Variants in MLPH observed in about 807,000 individuals in gnomAD.
MLPH encodes the protein exophilin-3.
Under a neutral mutation model 72.1 loss-of-function variants are expected in MLPH, and 51 were observed. The ratio of observed to expected loss-of-function variants is 0.71; its 90% confidence interval spans 0.56 to 0.89. MLPH has a LOEUF of 0.89. Among genes scored for constraint, MLPH ranks in the 40% least tolerant of loss-of-function variants. The pLI is 0.00. For missense variants in MLPH, 743 were observed against 759.9 expected, an observed-to-expected ratio of 0.98 and a Z score of 0.26; for synonymous variants, 301 against 310.1, an observed-to-expected ratio of 0.97 and a Z score of 0.31.
chr2:237,537,502 G>T (rs150936231), intron 9 of MLPH: 1 of 152,210 alleles, frequency 6.6e-6, no homozygotes, highest in Admixed American at 6.5e-5. Flanking sequence ...TTTACAGGCT[G>T]AACGTCATTC....
intron 1 of MLPH, among the ~76,000 whole-genome samples, chr2:237,490,155 C>A (rs550871603): frequency 1.6e-4 from 24 of 152,286 alleles, no homozygotes; most frequent in African/African-American, 5.5e-4. Context: ...CCAGCACATA[C>A]TCTGGGAGCC....
chr2:237,510,771 T>C lies in MLPH; in HGVS notation c.308T>C (p.Ile103Thr). The C allele has an allele frequency of 6.2e-7, 1 of 1,613,556 alleles. No homozygotes were observed. Among genetic ancestry groups the C allele is most frequent in the Non-Finnish European group, 8.5e-7 (1 of 1,180,036 alleles). Residue 103 changes from isoleucine (I) to threonine (T), a missense_variant, in exon 3 of 16, where the codon ATC becomes ACC. By Grantham distance (89) the Ile-to-Thr change is moderately conservative. Coordinates refer to ENST00000264605, the MANE Select transcript of MLPH (RefSeq NM_024101.7). The surrounding 1 kb of genome is among the most constrained non-coding windows in gnomAD (Gnocchi z 4.4). ...GTCCACCCGGAGGAGCAGGGCTGGATCTGTGACCCCTGCCATCTGGCCAGG... is the reference window on the plus strand; with the variant it reads ...GTCCACCCGGAGGAGCAGGGCTGGACCTGTGACCCCTGCCATCTGGCCAGG... ...GRVHPEEQGW[I>T]CDPCHLARVV...
In MLPH at chr2:237,541,005, G is replaced by A; in HGVS notation, c.1446+48G>A. 6.4e-7 allele frequency: 1 copy of A among 1,565,964 alleles called. No homozygotes were observed. Among genetic ancestry groups the A allele is most frequent in the Non-Finnish European group, 8.7e-7 (1 of 1,155,630 alleles). On this transcript the variant is annotated intron_variant, in intron 11 of 15. Coordinates refer to ENST00000264605, the MANE Select transcript of MLPH (RefSeq NM_024101.7). This position sits in a 1 kb window ranked among gnomAD's most constrained non-coding sequence, Gnocchi z 5.1. Reference sequence around the variant, plus strand: ...GCACTGAGTTCCACAAACACAGATGGTGACCACACCCAGGCCTTGAACATC... The same window carrying A: ...GCACTGAGTTCCACAAACACAGATGATGACCACACCCAGGCCTTGAACATC...
rs1199300862 is a variant in MLPH at position 237,525,589 on chromosome 2, C to T, written c.676-12C>T. 1 of 1,613,856 alleles carries T rather than the reference C, an allele frequency of 6.2e-7. No individual in the cohort carries two copies. The highest frequency in any genetic ancestry group is 1.7e-5 in the Admixed American group (1 of 60,028). The stretch of plus-strand genomic sequence containing the variant: ...AACCCTGCAGAGGAGGCTGACAGCC[C>T]CATGTGCTTAGTCCCTCACAGATGA... On this transcript the variant is annotated splice_polypyrimidine_tract_variant and intron_variant, in intron 6 of 15. Transcript: ENST00000264605.
rs2080646856 is a variant in MLPH, at chr2:237,540,407, G to T, written c.1164G>T (p.Lys388Asn). 1 of 1,613,602 alleles carries T rather than the reference G, an allele frequency of 6.2e-7. No individual in the cohort carries two copies. Among genetic ancestry groups the T allele is most frequent in the Non-Finnish European group, 8.5e-7 (1 of 1,179,904 alleles). Residue 388 changes from lysine (K) to asparagine (N), a missense_variant, in exon 10 of 16, where the codon AAG (lysine) becomes AAT (asparagine). Transcript: ENST00000264605. ...TAGAGGAGGAGGCCCTGAGGAGGAA[G>T]CTGGAGGAGCTGACCAGCAACGTCA... ...ADVEEEALRR[K>N]LEELTSNVSD... is the part of the protein sequence containing the mutation.
At chr2:237,507,084 G>A (rs1159494375) in intron 2 of MLPH, among the ~76,000 whole-genome samples, 1 of 11,854 alleles carries the variant, frequency 8.4e-5, no homozygotes, top group South Asian at 2.4e-3. Context: ...TTTTTTTTTT[G>A]AGACAAAGTC....
intron 4 of MLPH, chr2:237,518,034 A>G: frequency 3.5e-5 from 8 of 225,440 alleles, no homozygotes; most frequent in South Asian, 2.3e-4. Flanking sequence ...GGAGGGGTGG[A>G]TGGGTGGGTG....
intron 6 of MLPH, among the ~76,000 whole-genome samples, chr2:237,521,258 A>T (rs2080175927): frequency 2.6e-5 from 4 of 152,228 alleles, no homozygotes; most frequent in Non-Finnish European, 5.9e-5. Context: ...TAAGAGTAAT[A>T]GAAAGGGCTC....
chr2:237,499,486 G>A (rs76023760), intron 2 of MLPH, among the ~76,000 whole-genome samples: 1,729 of 152,166 alleles, frequency 0.011, 24 homozygotes, highest in African/African-American at 0.039. Context: ...ATGCTCACCT[G>A]TTGAGCCAGC....
chr2:237,525,938 C>A, intron 7 of MLPH, 133 bp downstream of exon 7: 1 of 905,010 alleles, frequency 1.1e-6, no homozygotes, highest in Non-Finnish European at 1.7e-6. Context: ...GCGTGATTGT[C>A]CGGGACGTGC....
At chr2:237,492,587 C>A (rs2079448924) in intron 1 of MLPH, among the ~76,000 whole-genome samples, 1 of 152,116 alleles carries the variant, frequency 6.6e-6, no homozygotes, top group African/African-American at 2.4e-5. Context: ...CCCTGCTGGG[C>A]AGCCCCACAG....
At chr2:237,533,390 C>CT (rs746139615) in intron 8 of MLPH, among the ~76,000 whole-genome samples, 2,966 of 107,968 alleles carry the variant, frequency 0.027, 157 homozygotes, top group African/African-American at 0.08. Context: ...ATTTTCTTTT[C>CT]TTTTTTTTTT....
intron 2 of MLPH, among the ~76,000 whole-genome samples, chr2:237,495,975 C>T (rs545533237): frequency 1.3e-5 from 2 of 152,324 alleles, no homozygotes; most frequent in East Asian, 3.9e-4. Flanking sequence ...TCTGAAGTCC[C>T]TCACCCTCTC....
intron 2 of MLPH, among the ~76,000 whole-genome samples, chr2:237,497,660 C>T (rs1022941425): frequency 3.3e-5 from 5 of 152,062 alleles, no homozygotes; most frequent in East Asian, 1.9e-4. Flanking sequence ...GAGGAGCTGG[C>T]GAAAATACCA....
intron 4 of MLPH, among the ~76,000 whole-genome samples, chr2:237,515,004 C>T (rs1447013496): frequency 6.6e-6 from 1 of 152,214 alleles, no homozygotes; most frequent in African/African-American, 2.4e-5. Context: ...TTATAAAGTC[C>T]GTCGTTCAGA....
intron 11 of MLPH, 30 bp downstream of exon 11, chr2:237,540,987 G>C (rs747231496): frequency 8.8e-6 from 14 of 1,583,646 alleles, no homozygotes; most frequent in Non-Finnish European, 1.1e-5. Flanking sequence ...GGAGCACTGA[G>C]TTCCACAAAC....
At chr2:237,519,304 C>A (rs528527358) in intron 5 of MLPH, among the ~76,000 whole-genome samples, 2 of 152,072 alleles carry the variant, frequency 1.3e-5, no homozygotes, top group Non-Finnish European at 2.9e-5. Context: ...CAACTCTTTG[C>A]GGCTGCTGTG....
At chr2:237,536,466 G>T (rs1173823890) in intron 9 of MLPH, among the ~76,000 whole-genome samples, 1 of 152,228 alleles carries the variant, frequency 6.6e-6, no homozygotes, top group Non-Finnish European at 1.5e-5. Flanking sequence ...GCTCTCATGA[G>T]TGAGACTCGG....
intron 12 of MLPH, chr2:237,545,577 G>A (rs766529480): frequency 2.0e-5 from 26 of 1,287,842 alleles, no homozygotes; most frequent in South Asian, 6.2e-5. Flanking sequence ...TCCTTAGTCC[G>A]CCGCCACGTG....
Sources: allele counts gnomAD v4.1 joint callset (sites outside exome capture counted in the v4.1 genomes callset), GRCh38; gene constraint gnomAD v4.1.1; non-coding constraint Gnocchi (gnomAD v3.1); transcripts MANE v1.5; gene names NCBI Gene and HGNC (gene_info 2026-07-23, HGNC 2026-07-21).